The following NEGR1 variants were observed in gnomAD, a reference collection of about 807,000 sequenced individuals.
The protein encoded by NEGR1 is IgLON family member 4.
Under a neutral mutation model 40.9 loss-of-function variants are expected in NEGR1, and 10 were observed. The ratio of observed to expected loss-of-function variants is 0.24; its 90% CI spans 0.15 to 0.42. NEGR1 has a LOEUF of 0.42. Ranked by LOEUF, NEGR1 falls within the 10% of genes least tolerant of loss-of-function variation. NEGR1 has a pLI of 1.00. For missense variants in NEGR1, 352 were observed against 438.9 expected (o/e 0.80, Z 1.77); for synonymous variants, 185 against 166.8 (o/e 1.11, Z -0.84).
intron 1 of NEGR1, among the ~76,000 whole-genome samples, chr1:72,009,589 T>C (rs1292162983): frequency 6.6e-6 from 1 of 152,068 alleles, no homozygotes. Context: ...TCTAGAAATG[T>C]ACAAGGAACA....
intron 1 of NEGR1, among the ~76,000 whole-genome samples, chr1:72,138,258 A>G (rs1478686713): frequency 6.6e-6 from 1 of 152,066 alleles, no homozygotes; most frequent in Non-Finnish European, 1.5e-5. Flanking sequence ...AAAATGTAAC[A>G]ATAAAAAACC....
intron 6 of NEGR1, among the ~76,000 whole-genome samples, chr1:71,409,624 A>G (rs961596632): frequency 9.9e-5 from 15 of 152,046 alleles, no homozygotes; most frequent in African/African-American, 3.1e-4. Context: ...TTATGTAACT[A>G]TCACACTGCA....
At chr1:71,717,147 G>A (rs749694900) in intron 3 of NEGR1, among the ~76,000 whole-genome samples, 3 of 152,148 alleles carry the variant, frequency 2.0e-5, no homozygotes, top group Non-Finnish European at 1.5e-5. Flanking sequence ...TGCGCCATGT[G>A]AAACCCCTAT....
chr1:71,796,868 G>C (rs2101742912), intron 2 of NEGR1, among the ~76,000 whole-genome samples: 3 of 152,248 alleles, frequency 2.0e-5, no homozygotes, highest in Middle Eastern at 6.8e-3. Context: ...AGTTGGCCTG[G>C]AGTGCTCAGA....
intron 1 of NEGR1, among the ~76,000 whole-genome samples, chr1:72,109,928 T>A (rs1472283994): frequency 6.6e-6 from 1 of 151,666 alleles, no homozygotes; most frequent in Non-Finnish European, 1.5e-5. Context: ...GTTCCCCCCA[T>A]CAAGCATGTA....
intron 4 of NEGR1, among the ~76,000 whole-genome samples, chr1:71,664,026 G>A (rs910379143): frequency 2.6e-5 from 4 of 152,170 alleles, no homozygotes; most frequent in Admixed American, 6.5e-5. Flanking sequence ...CAAAATAAGA[G>A]TTGGTTTTAG....
chr1:71,604,284 C>A, intron 5 of NEGR1, among the ~76,000 whole-genome samples: 1 of 152,070 alleles, frequency 6.6e-6, no homozygotes, highest in East Asian at 1.9e-4. Context: ...CCTTGAAAAT[C>A]ATAATCTGCT....
At chr1:72,192,202 G>GAGGGCACTTGTCCTC (rs1652842857) in intron 1 of NEGR1, among the ~76,000 whole-genome samples, 1 of 151,714 alleles carries the variant, frequency 6.6e-6, no homozygotes. Context: ...ATTTAATCTG[G>GAGGGCACTTGTCCTC]AGGGCACTTG....
chr1:72,030,180 A>C (rs1402131380), intron 1 of NEGR1, among the ~76,000 whole-genome samples: 1 of 151,906 alleles, frequency 6.6e-6, no homozygotes, highest in African/African-American at 2.4e-5. Flanking sequence ...ATGTAAGGTC[A>C]CAGCTAGGGA....
intron 2 of NEGR1, among the ~76,000 whole-genome samples, chr1:71,790,574 G>C (rs1343465601): frequency 6.6e-6 from 1 of 151,966 alleles, no homozygotes; most frequent in African/African-American, 2.4e-5. Flanking sequence ...TTGTGAATTT[G>C]TTCTCAGTTG....
At chr1:72,221,939 T>C (rs1259198359) in intron 1 of NEGR1, among the ~76,000 whole-genome samples, 1 of 151,944 alleles carries the variant, frequency 6.6e-6, no homozygotes, top group Non-Finnish European at 1.5e-5. Flanking sequence ...CAGATATATG[T>C]TCTAGGCCCA....
intron 1 of NEGR1, among the ~76,000 whole-genome samples, chr1:72,111,222 T>C (rs181557108): frequency 7.0e-4 from 106 of 151,826 alleles, no homozygotes; most frequent in Middle Eastern, 3.4e-3. Flanking sequence ...TTCTAAGCTT[T>C]AGTCTTCTCC....
chr1:72,148,377 G>A (rs1650990888), intron 1 of NEGR1, among the ~76,000 whole-genome samples: 3 of 152,044 alleles, frequency 2.0e-5, no homozygotes, highest in African/African-American at 7.2e-5. Flanking sequence ...GATGGCTCGA[G>A]TGGCTGGGAC....
chr1:71,684,320 A>C (rs541579447), intron 4 of NEGR1, among the ~76,000 whole-genome samples: 2 of 152,196 alleles, frequency 1.3e-5, no homozygotes, highest in Non-Finnish European at 2.9e-5. Flanking sequence ...TATTATTAAA[A>C]TTATTTTATC....
At chr1:71,837,504 A>G (rs1213661148) in intron 2 of NEGR1, among the ~76,000 whole-genome samples, 2 of 152,026 alleles carry the variant, frequency 1.3e-5, no homozygotes, top group Non-Finnish European at 2.9e-5. Context: ...TTGATGTTAA[A>G]TACATTCATT....
At chr1:72,218,038 AT>A (rs1653882910) in intron 1 of NEGR1, among the ~76,000 whole-genome samples, 1 of 151,718 alleles carries the variant, frequency 6.6e-6, no homozygotes, top group African/African-American at 2.4e-5. Context: ...AAAACTTTGG[AT>A]TTTTCCTGTT....
chr1:71,613,770 T>C (rs562333701), intron 4 of NEGR1, among the ~76,000 whole-genome samples: 1 of 152,240 alleles, frequency 6.6e-6, no homozygotes, highest in East Asian at 1.9e-4. Flanking sequence ...ATATTTCAAA[T>C]AACACTATAG....
chr1:71,634,418 T>C (rs1488800872), intron 4 of NEGR1, among the ~76,000 whole-genome samples: 1 of 152,076 alleles, frequency 6.6e-6, no homozygotes, highest in Admixed American at 6.6e-5. Flanking sequence ...CTTTAATGTG[T>C]AGGCTGCTGA....
chr1:71,722,913 C>A (rs1461140383), intron 3 of NEGR1, among the ~76,000 whole-genome samples: 1 of 152,020 alleles, frequency 6.6e-6, no homozygotes, highest in Non-Finnish European at 1.5e-5. Flanking sequence ...TTGTTCCTCT[C>A]TGTAAGTCCT....
Sources: gnomAD v4.1 joint callset for allele counts (sites outside exome capture counted in the v4.1 genomes callset) on GRCh38, gnomAD v4.1.1 for gene constraint, MANE v1.5 for transcripts, NCBI Gene and HGNC (gene_info 2026-07-23, HGNC 2026-07-21) for gene names.